ZHX3: variants seen among roughly 807,000 people sequenced by gnomAD.
ZHX3 encodes zinc fingers and homeoboxes 3.
ZHX3 carries 20 observed loss-of-function variants against 64.5 expected under a neutral mutation model. The observed-to-expected ratio is 0.31, with a 90% CI of 0.22 to 0.45. The LOEUF is 0.45. Among genes scored for constraint, ZHX3 ranks in the 20% least tolerant of loss-of-function variants. The pLI is 1.00. For synonymous variants in ZHX3, 423 were observed against 461.6 expected, an observed-to-expected ratio of 0.92 and a Z score of 1.07; for missense variants, 1,041 against 1,195.8, an observed-to-expected ratio of 0.87 and a Z score of 1.91.
intron 2 of ZHX3, among the ~76,000 whole-genome samples, chr20:41,260,262 C>T (rs2042491976): frequency 6.6e-6 from 1 of 151,544 alleles, no homozygotes; most frequent in Non-Finnish European, 1.5e-5. Context: ...AGCAAGACAG[C>T]TGAAATAAGG....
chr20:41,297,189 T>C (rs951376434), intron 1 of ZHX3, among the ~76,000 whole-genome samples: 2 of 152,250 alleles, frequency 1.3e-5, no homozygotes, highest in African/African-American at 4.8e-5. Flanking sequence ...CAGATTGAGA[T>C]GCACATGCAG....
chr20:41,295,678 A>G (rs2044474398), intron 1 of ZHX3, among the ~76,000 whole-genome samples: 1 of 152,078 alleles, frequency 6.6e-6, no homozygotes, highest in African/African-American at 2.4e-5. Context: ...GTGAAACCCC[A>G]TCTCTACTAA....
intron 1 of ZHX3, among the ~76,000 whole-genome samples, chr20:41,302,012 C>CCA (rs2044831757): frequency 7.0e-6 from 1 of 142,480 alleles, no homozygotes; most frequent in Non-Finnish European, 1.5e-5. Context: ...CGAGACTGCG[C>CCA]CACTGCACTC....
At chr20:41,316,150 G>A (rs1390991773) in intron 1 of ZHX3, among the ~76,000 whole-genome samples, 1 of 152,096 alleles carries the variant, frequency 6.6e-6, no homozygotes, top group African/African-American at 2.4e-5. Flanking sequence ...ATGTATCAAG[G>A]TCACAAAACC....
At chr20:41,282,142 A>C (rs2043707884) in intron 1 of ZHX3, among the ~76,000 whole-genome samples, 1 of 152,214 alleles carries the variant, frequency 6.6e-6, no homozygotes, top group South Asian at 2.1e-4. Flanking sequence ...TAAATATATC[A>C]GCAAGCTGTC....
At position 41,267,887 on chromosome 20, in the gene ZHX3, A is replaced by T. The variant is rs1490595153; in HGVS notation, c.-151+1103T>A. Among the ~76,000 whole-genome samples the T allele has an allele frequency of 2.0e-5, 3 of 152,324 alleles. 1 individual carries two copies. The South Asian group carries it at 6.2e-4, about 32-fold the overall frequency. ...TCAGTATGAGAGTGAGCACTAGGAG[A>T]TGTGTACGTAAGAAACTTGTCTTAT... On this transcript the variant is annotated intron_variant, in intron 2 of 3. Coordinates refer to ENST00000683867, the MANE Select transcript of ZHX3 (RefSeq NM_001384317.1).
At chr20:41,221,642 A>C (rs984282129) in intron 2 of ZHX3, among the ~76,000 whole-genome samples, 3 of 152,266 alleles carry the variant, frequency 2.0e-5, no homozygotes, top group African/African-American at 7.2e-5. Flanking sequence ...CATAGCAGTG[A>C]AAGGCTGAAG....
At chr20:41,284,051 C>T (rs920828942) in intron 1 of ZHX3, among the ~76,000 whole-genome samples, 2 of 152,144 alleles carry the variant, frequency 1.3e-5, no homozygotes, top group African/African-American at 4.8e-5. Flanking sequence ...ACAAAAATGT[C>T]TTTTTCTCAA....
chr20:41,290,620 ATCTGAGTTATC>A (rs2044187797), intron 1 of ZHX3: 1 of 152,242 alleles, frequency 6.6e-6, no homozygotes, highest in Admixed American at 6.5e-5. Context: ...ATGAAGCAGA[ATCTGAGTTATC>A]TCTGTGTCTG....
chr20:41,261,513 T>C (rs1026161547), intron 2 of ZHX3, among the ~76,000 whole-genome samples: 5 of 152,200 alleles, frequency 3.3e-5, no homozygotes, highest in Non-Finnish European at 7.4e-5. Flanking sequence ...CCACTGCCCC[T>C]GAAGGAAAAC....
rs1017575323 is a variant in ZHX3 at position 41,226,429 on chromosome 20, T to A, written c.-150-21363A>T. On this transcript the variant is annotated intron_variant, in intron 2 of 3. Transcript: ENST00000683867. This position sits in a 1 kb window ranked among gnomAD's most constrained non-coding sequence, Gnocchi z 4.4. The stretch of plus-strand genomic sequence containing the variant: ...ATATGTATATATCATATTTTATTTA[T>A]CCATTCATCCACTGATGGACATTTA... Among the ~76,000 whole-genome samples the A allele has an allele frequency of 6.6e-6, 1 of 152,232 alleles. No homozygotes were observed. The highest frequency in any genetic ancestry group is 2.4e-5 in the African/African-American group (1 of 41,466).
In ZHX3 at chr20:41,217,494, C is replaced by T. The variant is rs542030005; in HGVS notation, c.-150-12428G>A. Among the ~76,000 whole-genome samples, 8 of 152,134 alleles carry T rather than the reference C, an allele frequency of 5.3e-5. No homozygotes were observed. The South Asian group carries it at 1.7e-3, about 32-fold the overall frequency. On this transcript the variant is annotated intron_variant, in intron 2 of 3. Coordinates refer to ENST00000683867, the MANE Select transcript of ZHX3 (RefSeq NM_001384317.1). ...AGCTTAAATTTATATTTTTAAAAAACATTCTGTTTTAAATGTTTCTCTCTT... is the reference window on the plus strand; with the variant it reads ...AGCTTAAATTTATATTTTTAAAAAATATTCTGTTTTAAATGTTTCTCTCTT...
Position 41,179,207 on chromosome 20 carries a change from A to G in ZHX3, c.*5984T>C, listed in dbSNP as rs1466919569. 3 of 152,200 alleles carry G rather than the reference A, an allele frequency of 2.0e-5. No individual in the cohort carries two copies. The highest frequency in any genetic ancestry group is 2.0e-4 in the Admixed American group (3 of 15,284). 9.4% of individuals were successfully genotyped at this position (152,200 alleles called of 1,614,324 possible). A position where few individuals can be genotyped will look rare whatever the true frequency, so the allele number is the denominator to read the frequency against. On this transcript the variant is annotated 3_prime_UTR_variant, in exon 4 of 4. Coordinates refer to ENST00000683867, the MANE Select transcript of ZHX3 (RefSeq NM_001384317.1). This position sits in a 1 kb window ranked among gnomAD's most constrained non-coding sequence, Gnocchi z 4.3. The stretch of plus-strand genomic sequence containing the variant: ...TCTCTTTAATAACAATTATGGCACA[A>G]TCTGACCCTCCTAACACTTCTGAAC...
In ZHX3 at chr20:41,202,558, G is replaced by C. The variant is rs1184751351; in HGVS notation, c.2359C>G (p.Gln787Glu). Residue 787 changes from glutamine (Q) to glutamate (E), a missense_variant, in exon 3 of 4, where the codon CAG (glutamine) becomes GAG (glutamate). Transcript: ENST00000683867. This position sits in a 1 kb window ranked among gnomAD's most constrained non-coding sequence, Gnocchi z 7.0. ...HLLRQLFVQTQWPSNQDYDSI... is the reference protein window; with the variant it reads ...HLLRQLFVQTEWPSNQDYDSI... ...TCATAGTCCTGGTTGCTTGGCCACT[G>C]TGTCTGGACAAAGAGCTGCCGCAGC... 6.2e-7 allele frequency: 1 copy of C among 1,613,986 alleles called. No individual in the cohort carries two copies. The highest frequency in any genetic ancestry group is 2.2e-5 in the East Asian group (1 of 44,884).
intron 2 of ZHX3, among the ~76,000 whole-genome samples, chr20:41,265,907 C>T (rs1199134552): frequency 6.6e-6 from 1 of 152,148 alleles, no homozygotes; most frequent in East Asian, 1.9e-4. Context: ...TAGTCCACTG[C>T]AGTTTAGGCA....
chr20:41,294,458 T>C (rs2146767594), intron 1 of ZHX3, among the ~76,000 whole-genome samples: 1 of 152,104 alleles, frequency 6.6e-6, no homozygotes, highest in Non-Finnish European at 1.5e-5. Flanking sequence ...GCCTCCTGAG[T>C]TCAAGTGATT....
intron 1 of ZHX3, among the ~76,000 whole-genome samples, chr20:41,316,027 A>G (rs1191310960): frequency 1.3e-5 from 2 of 151,936 alleles, no homozygotes; most frequent in East Asian, 3.8e-4. Context: ...AAAAAAAACA[A>G]ACTCAAAACC....
intron 1 of ZHX3, among the ~76,000 whole-genome samples, chr20:41,304,171 C>T (rs1318489951): frequency 1.3e-5 from 2 of 152,208 alleles, no homozygotes; most frequent in Admixed American, 1.3e-4. Context: ...AGTCTCCTCC[C>T]CTCTGCCTCC....
chr20:41,268,698 C>T (rs1299122421), intron 2 of ZHX3, among the ~76,000 whole-genome samples: 1 of 152,170 alleles, frequency 6.6e-6, no homozygotes, highest in Non-Finnish European at 1.5e-5. Context: ...AGACACAACA[C>T]AGGATACTCT....
Sources: allele counts gnomAD v4.1 joint callset (sites outside exome capture counted in the v4.1 genomes callset), GRCh38; gene constraint gnomAD v4.1.1; non-coding constraint Gnocchi (gnomAD v3.1); transcripts MANE v1.5; gene names NCBI Gene and HGNC (gene_info 2026-07-23, HGNC 2026-07-21).